The following CDH18 variants were observed in gnomAD, a reference collection of about 807,000 sequenced individuals.
CDH18 encodes cadherin-18.
A neutral mutation model predicts 67.9 loss-of-function variants in CDH18; 31 were observed. The observed-to-expected ratio is 0.46, with a 90% confidence interval of 0.34 to 0.62. The LOEUF (loss-of-function observed/expected upper bound fraction) is 0.62, where lower values mean the gene tolerates loss of function less well. Among genes scored for constraint, CDH18 ranks in the 20% least tolerant of loss-of-function variants. The pLI is 0.01. For synonymous variants in CDH18, 362 were observed against 347.2 expected (o/e 1.04, Z -0.48); for missense variants, 890 against 975.5 (o/e 0.91, Z 1.17).
At chr5:19,930,937 T>C (rs1355913810) in intron 2 of CDH18, among the ~76,000 whole-genome samples, 2 of 152,036 alleles carry the variant, frequency 1.3e-5, no homozygotes, top group East Asian at 3.9e-4. Flanking sequence ...TAAGTCCTTA[T>C]AAACTTAAGA....
chr5:20,561,171 C>T (rs1758186739), intron 1 of CDH18, among the ~76,000 whole-genome samples: 1 of 152,014 alleles, frequency 6.6e-6, no homozygotes, highest in African/African-American at 2.4e-5. Context: ...AGATAAATTG[C>T]ATAGCCATAG....
chr5:20,150,720 C>T lies in CDH18; in HGVS notation c.-518+104724G>A, dbSNP rs1751029999. On this transcript the variant is annotated intron_variant, in intron 2 of 14. Coordinates refer to the CDH18 transcript ENST00000507958. ...AATAGCTGCCTATTGCAAAGATCTA[C>T]CATAGATAGATCCATTATGTTTTTC... 2.6e-5 allele frequency among the ~76,000 whole-genome samples: 4 copies of T among 151,936 alleles called. No individual in the cohort carries two copies. The South Asian group carries it at 6.2e-4, about 24-fold the overall frequency.
intron 1 of CDH18, among the ~76,000 whole-genome samples, chr5:20,458,007 A>G (rs141200556): frequency 2.0e-4 from 30 of 152,354 alleles, no homozygotes; most frequent in Non-Finnish European, 3.8e-4. Flanking sequence ...TTGTTAGAGA[A>G]TAAAGAGGAC....
intron 5 of CDH18, among the ~76,000 whole-genome samples, chr5:19,699,490 T>G (rs1184902534): frequency 6.6e-6 from 1 of 152,080 alleles, no homozygotes; most frequent in African/African-American, 2.4e-5. Flanking sequence ...CCCAATTTGT[T>G]AGTATTTGTA....
intron 2 of CDH18, among the ~76,000 whole-genome samples, chr5:19,893,430 C>G (rs556472338): frequency 2.6e-3 from 391 of 151,980 alleles, no homozygotes; most frequent in Non-Finnish European, 4.9e-3. Context: ...CAAGGAATTG[C>G]TGAATCACAC....
At chr5:20,055,340 T>A (rs535474191) in intron 2 of CDH18, among the ~76,000 whole-genome samples, 1 of 152,366 alleles carries the variant, frequency 6.6e-6, no homozygotes, top group Non-Finnish European at 1.5e-5. Context: ...AACTAAGTTC[T>A]AAATTCTCAA....
At chr5:20,266,156 A>G (rs540453887) in intron 1 of CDH18, among the ~76,000 whole-genome samples, 1 of 152,284 alleles carries the variant, frequency 6.6e-6, no homozygotes, top group Admixed American at 6.5e-5. Context: ...CCAACTTGCC[A>G]ATGTTAGATT....
At chr5:20,088,195 C>G (rs1042126986) in intron 2 of CDH18, among the ~76,000 whole-genome samples, 1 of 152,174 alleles carries the variant, frequency 6.6e-6, no homozygotes, top group African/African-American at 2.4e-5. Context: ...GTGTGTTGAA[C>G]TCTTATTTTA....
At chr5:20,192,822 T>C (rs2126723479) in intron 2 of CDH18, among the ~76,000 whole-genome samples, 1 of 152,304 alleles carries the variant, frequency 6.6e-6, no homozygotes, top group African/African-American at 2.4e-5. Context: ...TAGCATTATC[T>C]TGGCTATACG....
At chr5:20,102,227 TG>T (rs1746533642) in intron 2 of CDH18, among the ~76,000 whole-genome samples, 1 of 141,822 alleles carries the variant, frequency 7.1e-6, no homozygotes, top group South Asian at 2.1e-4. Context: ...TGTGTGTGTG[TG>T]TGTGTGTGTG....
intron 5 of CDH18, among the ~76,000 whole-genome samples, chr5:19,663,346 T>C (rs1358261586): frequency 3.3e-5 from 5 of 151,956 alleles, no homozygotes; most frequent in Non-Finnish European, 5.9e-5. Flanking sequence ...TATTTGTACA[T>C]TTATATGAAC....
intron 1 of CDH18, among the ~76,000 whole-genome samples, chr5:20,338,575 T>C (rs1206709731): frequency 6.6e-6 from 1 of 152,224 alleles, no homozygotes; most frequent in African/African-American, 2.4e-5. Flanking sequence ...TGTTTGCTTC[T>C]ATGCTGTCTC....
chr5:19,782,762 C>T (rs1031433288), intron 3 of CDH18, among the ~76,000 whole-genome samples: 5 of 152,102 alleles, frequency 3.3e-5, no homozygotes, highest in African/African-American at 1.2e-4. Context: ...CTTAGGTATG[C>T]TTGGCCAAAT....
At chr5:20,040,162 G>A (rs1421497958) in intron 2 of CDH18, among the ~76,000 whole-genome samples, 1 of 152,042 alleles carries the variant, frequency 6.6e-6, no homozygotes, top group Non-Finnish European at 1.5e-5. Flanking sequence ...ACTGTCTCAT[G>A]CTAGTTAGAA....
intron 8 of CDH18, among the ~76,000 whole-genome samples, chr5:19,546,892 A>C (rs1365323633): frequency 2.6e-5 from 4 of 152,230 alleles, no homozygotes; most frequent in African/African-American, 4.8e-5. Context: ...TGACCATTGT[A>C]CATTAAATTT....
chr5:20,519,420 C>T (rs560478429), intron 1 of CDH18, among the ~76,000 whole-genome samples: 18 of 151,956 alleles, frequency 1.2e-4, no homozygotes, highest in Admixed American at 2.6e-4. Flanking sequence ...AATTGAACAA[C>T]GGGAACACAT....
At chr5:19,847,735 T>C (rs1470136390) in intron 2 of CDH18, among the ~76,000 whole-genome samples, 2 of 152,072 alleles carry the variant, frequency 1.3e-5, no homozygotes, top group Admixed American at 1.3e-4. Flanking sequence ...GAGAAAGACT[T>C]TCTCCAACTA....
intron 2 of CDH18, among the ~76,000 whole-genome samples, chr5:19,972,820 A>C (rs2150340479): frequency 6.6e-6 from 1 of 152,150 alleles, no homozygotes; most frequent in South Asian, 2.1e-4. Context: ...AGTCAAATAC[A>C]AGACTGTTCA....
At chr5:20,547,582 CTA>C (rs931791029) in intron 1 of CDH18, among the ~76,000 whole-genome samples, 3 of 150,224 alleles carry the variant, frequency 2.0e-5, no homozygotes, top group Non-Finnish European at 4.4e-5. Context: ...AAGAATCAAA[CTA>C]TATGTAAAAA....
Sources: allele counts gnomAD v4.1 joint callset (sites outside exome capture counted in the v4.1 genomes callset), GRCh38; gene constraint gnomAD v4.1.1; transcripts MANE v1.5; gene names NCBI Gene and HGNC (gene_info 2026-07-23, HGNC 2026-07-21).